The following CHST9 variants were observed in gnomAD, a reference collection of about 807,000 sequenced individuals.
The protein encoded by CHST9 is GalNAc-4-sulfotransferase 2.
CHST9 carries 41 observed loss-of-function variants against 44.4 expected under a neutral mutation model. That is an observed-to-expected ratio of 0.92 (90% CI 0.72 to 1.20). The LOEUF is 1.20. CHST9 is among the 50% of genes most tolerant of loss of function. CHST9 has a pLI of 0.00. For missense variants in CHST9, 504 were observed against 516.5 expected, an observed-to-expected ratio of 0.98 and a Z score of 0.23; for synonymous variants, 171 against 178.4, an observed-to-expected ratio of 0.96 and a Z score of 0.33.
chr18:27,008,033 CTCATCAGGGAGGT>C (rs1460733339), intron 4 of CHST9, among the ~76,000 whole-genome samples: 4 of 152,096 alleles, frequency 2.6e-5, no homozygotes, highest in African/African-American at 9.7e-5. Flanking sequence ...AAGTGAGTCA[CTCATCAGGGAGGT>C]TCATGGGAGG....
At chr18:27,159,512 C>T (rs370044606) in intron 1 of CHST9, among the ~76,000 whole-genome samples, 22 of 152,214 alleles carry the variant, frequency 1.4e-4, no homozygotes, top group South Asian at 6.2e-4. Context: ...GTTACTGTAG[C>T]CTTGTAGTAT....
chr18:27,071,247 A>G (rs975022396), intron 2 of CHST9, among the ~76,000 whole-genome samples: 2 of 152,136 alleles, frequency 1.3e-5, no homozygotes, highest in Non-Finnish European at 2.9e-5. Context: ...CTTCCTCTTT[A>G]TCTAGCCTTC....
chr18:26,915,812 A>C lies in CHST9; in HGVS notation c.*447T>G. 1 of 154,172 alleles carries C rather than the reference A, an allele frequency of 6.5e-6. No homozygotes were observed. Among genetic ancestry groups the C allele is most frequent in the East Asian group, 1.9e-4 (1 of 5,218 alleles). The allele number at this position is 154,172 out of a possible 1,614,324, so 9.6% of individuals were successfully genotyped here. A position where few individuals can be genotyped will look rare whatever the true frequency, so the allele number is the denominator to read the frequency against. On this transcript the variant is annotated 3_prime_UTR_variant, in exon 6 of 6. Coordinates refer to ENST00000618847, the MANE Select transcript of CHST9 (RefSeq NM_031422.6). The stretch of plus-strand genomic sequence containing the variant: ...TGGATTTATCATTATAGTTGATAGA[A>C]AGATTTCCAGGGTGTAAGAAAACAA...
chr18:27,170,321 C>A (rs1188333345), intron 1 of CHST9, among the ~76,000 whole-genome samples: 1 of 152,132 alleles, frequency 6.6e-6, no homozygotes, highest in African/African-American at 2.4e-5. Flanking sequence ...GGTGGCAGAA[C>A]TGCCAAATGG....
intron 1 of CHST9, among the ~76,000 whole-genome samples, chr18:27,151,027 T>C (rs1158815875): frequency 6.6e-6 from 1 of 152,156 alleles, no homozygotes; most frequent in African/African-American, 2.4e-5. Flanking sequence ...TGGGCCTTGG[T>C]TTATTTAAAG....
intron 3 of CHST9, among the ~76,000 whole-genome samples, chr18:27,040,753 T>G (rs567387413): frequency 6.6e-6 from 1 of 152,154 alleles, no homozygotes; most frequent in Non-Finnish European, 1.5e-5. Flanking sequence ...AGTATACAAG[T>G]ATATCATTTA....
intron 4 of CHST9, among the ~76,000 whole-genome samples, chr18:26,974,968 C>A (rs144134370): frequency 0.022 from 3,357 of 152,270 alleles, 137 homozygotes; most frequent in African/African-American, 0.076. Flanking sequence ...AGCCACTGCG[C>A]CCAGCCCAGG....
intron 2 of CHST9, among the ~76,000 whole-genome samples, chr18:27,124,599 A>T (rs955780952): frequency 5.3e-5 from 8 of 152,162 alleles, no homozygotes; most frequent in African/African-American, 1.9e-4. Context: ...ATTGCTCATA[A>T]CTCTTCAAAC....
At chr18:27,033,768 T>A (rs2057364103) in intron 3 of CHST9, among the ~76,000 whole-genome samples, 1 of 152,184 alleles carries the variant, frequency 6.6e-6, no homozygotes, top group Non-Finnish European at 1.5e-5. Flanking sequence ...TGAGCTCAAA[T>A]AAGAATGTGC....
intron 2 of CHST9, among the ~76,000 whole-genome samples, chr18:27,104,150 T>C (rs2058199536): frequency 6.6e-6 from 1 of 152,150 alleles, no homozygotes; most frequent in African/African-American, 2.4e-5. Flanking sequence ...AACTAGGCAC[T>C]GCACTGGGTG....
chr18:27,007,061 G>A (rs2057025425), intron 4 of CHST9, among the ~76,000 whole-genome samples: 1 of 152,128 alleles, frequency 6.6e-6, no homozygotes, highest in South Asian at 2.1e-4. Flanking sequence ...CATTCAACAG[G>A]CGCAATCCCC....
At chr18:26,959,217 C>A (rs1341501174) in intron 4 of CHST9, among the ~76,000 whole-genome samples, 1 of 152,130 alleles carries the variant, frequency 6.6e-6, no homozygotes, top group Non-Finnish European at 1.5e-5. Context: ...TATCCAGGAA[C>A]ATAAACCAAA....
intron 2 of CHST9, among the ~76,000 whole-genome samples, chr18:27,127,223 AGAG>A: frequency 6.6e-6 from 1 of 152,276 alleles, no homozygotes; most frequent in Admixed American, 6.5e-5. Context: ...GTGAGATGAA[AGAG>A]AATAAGGGTA....
intron 4 of CHST9, among the ~76,000 whole-genome samples, chr18:26,948,747 C>T (rs1846732204): frequency 6.6e-6 from 1 of 152,194 alleles, no homozygotes; most frequent in East Asian, 1.9e-4. Context: ...CAATATCCAC[C>T]CTTTCCCAAA....
At chr18:27,138,501 AT>A (rs796862042) in intron 2 of CHST9, among the ~76,000 whole-genome samples, 20 of 150,078 alleles carry the variant, frequency 1.3e-4, no homozygotes, top group Non-Finnish European at 2.1e-4. Context: ...CTAAGCCTTC[AT>A]TTTTTTTTTA....
intron 2 of CHST9, among the ~76,000 whole-genome samples, chr18:27,118,357 G>C (rs2058346755): frequency 6.6e-6 from 1 of 152,190 alleles, no homozygotes. Context: ...TCAATCTCAT[G>C]ACATTGTCTT....
chr18:27,142,334 G>T (rs944196395), intron 2 of CHST9, among the ~76,000 whole-genome samples: 2 of 152,190 alleles, frequency 1.3e-5, no homozygotes, highest in Non-Finnish European at 2.9e-5. Flanking sequence ...AGAGGCTGCT[G>T]TACATTCAGG....
chr18:27,134,678 T>C (rs1194342095), intron 2 of CHST9, among the ~76,000 whole-genome samples: 1 of 152,194 alleles, frequency 6.6e-6, no homozygotes, highest in Non-Finnish European at 1.5e-5. Flanking sequence ...AAGGTGGGGT[T>C]ATATTTATAT....
chr18:27,048,445 C>T lies in CHST9; in HGVS notation c.160+20G>A, dbSNP rs775779349. ...ATAAAATCAGGAAATAAAGCTGGAG[C>T]CCATTGGACAAAATCTTACCTGAAG... On this transcript the variant is annotated intron_variant, in intron 3 of 5. Coordinates refer to ENST00000618847, the MANE Select transcript of CHST9 (RefSeq NM_031422.6). The T allele has an allele frequency of 1.9e-6, 3 of 1,585,682 alleles. No homozygotes were observed. The highest frequency in any genetic ancestry group is 4.5e-5 in the East Asian group (2 of 44,052).
Sources: allele counts gnomAD v4.1 joint callset (sites outside exome capture counted in the v4.1 genomes callset), GRCh38; gene constraint gnomAD v4.1.1; transcripts MANE v1.5; gene names NCBI Gene and HGNC (gene_info 2026-07-23, HGNC 2026-07-21).